The following USH2A variants were observed in gnomAD, a reference collection of about 807,000 sequenced individuals.
USH2A encodes usherin.
A neutral mutation model predicts 538.9 loss-of-function variants in USH2A; 443 were observed. The ratio of observed to expected loss-of-function variants is 0.82; its 90% CI spans 0.76 to 0.89. USH2A has a LOEUF of 0.89. USH2A is among the 40% of genes least tolerant of loss of function. USH2A has a pLI of 0.00. For synonymous variants in USH2A, 2,413 were observed against 2,273.5 expected, an observed-to-expected ratio of 1.06 and a Z score of -1.75; for missense variants, 6,633 against 6,324.8, an observed-to-expected ratio of 1.05 and a Z score of -1.65.
At chr1:215,698,993 G>C (rs1658910443) in intron 61 of USH2A, among the ~76,000 whole-genome samples, 1 of 151,930 alleles carries the variant, frequency 6.6e-6, no homozygotes, top group African/African-American at 2.4e-5. Flanking sequence ...CTTAATTTTT[G>C]TATAAGGTCT....
chr1:216,008,402 T>A (rs1166909885), intron 32 of USH2A, among the ~76,000 whole-genome samples: 1 of 151,658 alleles, frequency 6.6e-6, no homozygotes, highest in African/African-American at 2.4e-5. Context: ...GTAATTTTCC[T>A]TTACCTACCC....
intron 21 of USH2A, among the ~76,000 whole-genome samples, chr1:216,120,014 C>T (rs958680806): frequency 2.6e-5 from 4 of 151,732 alleles, no homozygotes; most frequent in Non-Finnish European, 5.9e-5. Context: ...AGAATAAAAT[C>T]ATAAACATTT....
chr1:216,058,597 T>A (rs74143924), intron 30 of USH2A, among the ~76,000 whole-genome samples: 4,465 of 128,610 alleles, frequency 0.035, 673 homozygotes, highest in African/African-American at 0.14. Flanking sequence ...TAGTTATTTA[T>A]TAGTCTTACC....
intron 2 of USH2A, among the ~76,000 whole-genome samples, chr1:216,420,309 T>C (rs990431812): frequency 1.3e-5 from 2 of 152,142 alleles, no homozygotes; most frequent in Admixed American, 6.6e-5. Context: ...TTCCTTGCTA[T>C]TTTGTTTGCT....
In USH2A at chr1:216,130,991, T is replaced by A. The variant is rs144064996; in HGVS notation, c.4628-33778A>T. On this transcript the variant is annotated intron_variant, in intron 21 of 71. Transcript: ENST00000307340. ...ATCTATTATTTTTTTATTTTTTTGA[T>A]TATGGCCATTCTTGCAGGAGTAAGG... is the stretch of plus-strand genomic sequence containing the variant. Among the ~76,000 whole-genome samples the A allele has an allele frequency of 3.8e-3, 577 of 152,128 alleles. 1 individual carries two copies. Among genetic ancestry groups the A allele is most frequent in the African/African-American group, 0.013 (557 of 41,520 alleles).
chr1:216,106,564 C>G (rs1470369554), intron 21 of USH2A, among the ~76,000 whole-genome samples: 1 of 151,212 alleles, frequency 6.6e-6, no homozygotes, highest in East Asian at 1.9e-4. Context: ...CCTTTTCTCT[C>G]TCCCCCCTCC....
At chr1:215,781,952 T>G in intron 54 of USH2A, 90 bp downstream of exon 54, 1 of 1,565,618 alleles carries the variant, frequency 6.4e-7, no homozygotes. Context: ...GACATTGTTT[T>G]CTTCAATGAA....
At chr1:216,173,153 C>T (rs190229010) in intron 21 of USH2A, among the ~76,000 whole-genome samples, 1 of 152,216 alleles carries the variant, frequency 6.6e-6, no homozygotes, top group East Asian at 1.9e-4. Flanking sequence ...AGGAAAGATG[C>T]AAGTTTACAG....
At chr1:215,777,228 T>C (rs1661491255) in intron 55 of USH2A, among the ~76,000 whole-genome samples, 1 of 152,124 alleles carries the variant, frequency 6.6e-6, no homozygotes, top group African/African-American at 2.4e-5. Context: ...TACTCTGACA[T>C]AAAAATAGCC....
chr1:215,762,478 T>C (rs1223826331), intron 56 of USH2A, among the ~76,000 whole-genome samples: 1 of 152,206 alleles, frequency 6.6e-6, no homozygotes, highest in Admixed American at 6.6e-5. Context: ...TTATTATTTA[T>C]ACCGGCTGGC....
At chr1:216,370,095 G>A (rs113760772) in intron 3 of USH2A, among the ~76,000 whole-genome samples, 4,017 of 152,006 alleles carry the variant, frequency 0.026, 80 homozygotes, top group Non-Finnish European at 0.039. Context: ...ACAATGGCGC[G>A]TGCCTGTAAT....
intron 61 of USH2A, among the ~76,000 whole-genome samples, chr1:215,720,263 A>G (rs891213234): frequency 9.9e-5 from 15 of 152,188 alleles, no homozygotes; most frequent in Admixed American, 8.5e-4. Context: ...GGATTTCTCC[A>G]CACTCCCCTT....
chr1:216,138,918 ATGTGTGTGTG>A (rs534404810), intron 21 of USH2A, among the ~76,000 whole-genome samples: 1 of 148,736 alleles, frequency 6.7e-6, no homozygotes, highest in Non-Finnish European at 1.5e-5. Flanking sequence ...GCATATATTA[ATGTGTGTGTG>A]TGTGTGTGTG....
intron 44 of USH2A, among the ~76,000 whole-genome samples, chr1:215,859,159 C>G (rs995466804): frequency 6.6e-6 from 1 of 152,074 alleles, no homozygotes; most frequent in African/African-American, 2.4e-5. Flanking sequence ...TACGGTTGAC[C>G]CTTGAACAAC....
At chr1:215,709,625 A>G (rs1366347039) in intron 61 of USH2A, among the ~76,000 whole-genome samples, 1 of 145,582 alleles carries the variant, frequency 6.9e-6, no homozygotes, top group East Asian at 2.1e-4. Flanking sequence ...TTTGGAAGAT[A>G]GATGCTTGAA....
chr1:215,875,296 T>C (rs1004459417), intron 43 of USH2A, among the ~76,000 whole-genome samples: 2 of 152,174 alleles, frequency 1.3e-5, no homozygotes, highest in African/African-American at 2.4e-5. Context: ...GCTTTTTTTT[T>C]TTCTACAAGC....
At chr1:216,102,116 A>G (rs2032596725) in intron 21 of USH2A, among the ~76,000 whole-genome samples, 1 of 152,154 alleles carries the variant, frequency 6.6e-6, no homozygotes, top group South Asian at 2.1e-4. Flanking sequence ...AAGAGAATGA[A>G]AAGACAAATG....
intron 70 of USH2A, among the ~76,000 whole-genome samples, chr1:215,632,235 C>A (rs1397545255): frequency 6.6e-6 from 1 of 151,896 alleles, no homozygotes. Flanking sequence ...GCCCAGACTT[C>A]TTGAGGTTCT....
chr1:216,010,511 A>G (rs954017680), intron 32 of USH2A, among the ~76,000 whole-genome samples: 1 of 151,430 alleles, frequency 6.6e-6, no homozygotes, highest in Non-Finnish European at 1.5e-5. Flanking sequence ...CTAGACCATC[A>G]CGGATGCCGA....
Sources: allele counts gnomAD v4.1 joint callset (sites outside exome capture counted in the v4.1 genomes callset), GRCh38; gene constraint gnomAD v4.1.1; transcripts MANE v1.5; gene names NCBI Gene and HGNC (gene_info 2026-07-23, HGNC 2026-07-21).